Variants in MFSD11 observed in about 807,000 individuals in gnomAD.
MFSD11 encodes major facilitator superfamily domain containing 11, also known as UNC93-like protein MFSD11.
A neutral mutation model predicts 53.5 loss-of-function variants in MFSD11; 36 were observed. The observed-to-expected ratio is 0.67, with a 90% CI of 0.52 to 0.89. MFSD11 has a LOEUF of 0.89. Among genes scored for constraint, MFSD11 ranks in the 40% least tolerant of loss-of-function variants. MFSD11 has a pLI of 0.00. For missense variants in MFSD11, 530 were observed against 543.9 expected (o/e 0.97, Z 0.25); for synonymous variants, 186 against 184.9 (o/e 1.01, Z -0.05).
intron 10 of MFSD11, 107 bp downstream of exon 10, chr17:76,769,978 C>T (rs1300154105): frequency 3.2e-6 from 3 of 923,728 alleles, no homozygotes; most frequent in Non-Finnish European, 4.8e-6. Context: ...GTTTTTTCTA[C>T]TTATTTTTAC....
intron 10 of MFSD11, among the ~76,000 whole-genome samples, chr17:76,771,924 C>G (rs575211131): frequency 2.6e-5 from 4 of 152,154 alleles, no homozygotes; most frequent in South Asian, 4.2e-4. Flanking sequence ...GGCTGATGCT[C>G]AGGAGGGACT....
At chr17:76,769,941 G>T in intron 10 of MFSD11, 70 bp downstream of exon 10, 1 of 1,387,744 alleles carries the variant, frequency 7.2e-7, no homozygotes, top group Non-Finnish European at 9.9e-7. Flanking sequence ...AATTTTAAGT[G>T]TGCTTCACCT....
At chr17:76,769,585 A>C (rs1345386131) in intron 9 of MFSD11, 161 bp from the exon 10 acceptor site, 7 of 516,606 alleles carry the variant, frequency 1.4e-5, no homozygotes, top group Non-Finnish European at 1.7e-5. Context: ...CCATTTCATC[A>C]GTTACATCAC....
At chr17:76,780,315 G>A (rs1215032841), downstream of MFSD11, among the ~76,000 whole-genome samples, 3 of 152,006 alleles carry the variant, frequency 2.0e-5, no homozygotes, top group Non-Finnish European at 4.4e-5. Flanking sequence ...AAATGAGACA[G>A]CTCAGTTTTG....
chr17:76,793,549 C>T, the MFSD11 span, among the ~76,000 whole-genome samples: 2 of 151,232 alleles, frequency 1.3e-5, no homozygotes, highest in Non-Finnish European at 2.9e-5. Flanking sequence ...GTGCAGTTAA[C>T]GCAATCATCA....
chr17:76,744,299 T>G, intron 6 of MFSD11, 23 bp from the exon 7 acceptor site: 5 of 1,599,142 alleles, frequency 3.1e-6, no homozygotes, highest in Non-Finnish European at 4.3e-6. Flanking sequence ...GATACTATCT[T>G]GTTTCTTCTT....
At position 76,750,125 on chromosome 17, in the gene MFSD11, G is replaced by A. The variant is rs1392890226; in HGVS notation, c.642-3922G>A. ...GGTAAATAACTCACTGAATTAAATT[G>A]GAAGTGATTTGCAGCTGAATTATTG... On this transcript the variant is annotated intron_variant, in intron 7 of 12. Coordinates refer to ENST00000685175, the MANE Select transcript of MFSD11 (RefSeq NM_001242532.5). Among the ~76,000 whole-genome samples the A allele has an allele frequency of 2.0e-5, 3 of 152,014 alleles. No homozygotes were observed. In the East Asian group the frequency reaches 5.8e-4, roughly 29 times the overall value.
At chr17:76,749,550 A>G (rs1314942241) in intron 7 of MFSD11, among the ~76,000 whole-genome samples, 2 of 149,376 alleles carry the variant, frequency 1.3e-5, no homozygotes, top group African/African-American at 2.5e-5. Context: ...AAAGAAGAAG[A>G]AGGAACAATG....
upstream of MFSD11, chr17:76,737,353 G>A: frequency 1.4e-6 from 1 of 692,858 alleles, no homozygotes; most frequent in Non-Finnish European, 2.3e-6. Context: ...CGGCCTCTGC[G>A]CCCGTTTATA....
chr17:76,768,305 CAAAAAA>C (rs78066438), intron 9 of MFSD11, among the ~76,000 whole-genome samples: 1 of 46,760 alleles, frequency 2.1e-5, no homozygotes, highest in Admixed American at 2.4e-4. Context: ...ACCTCCGTCT[CAAAAAA>C]AAAAAAAAAA....
At chr17:76,772,293 C>T (rs531324782) in intron 10 of MFSD11, among the ~76,000 whole-genome samples, 82 of 151,604 alleles carry the variant, frequency 5.4e-4, no homozygotes, top group Non-Finnish European at 2.5e-4. Flanking sequence ...GGTGTAGTGG[C>T]GTATGCCTGT....
upstream of MFSD11, chr17:76,737,335 C>A (rs376946601): frequency 7.1e-5 from 59 of 828,968 alleles, no homozygotes; most frequent in Non-Finnish European, 1.0e-4. Flanking sequence ...AACAACTGGG[C>A]GGGCAGCCGG....
chr17:76,736,671 C>G (rs988248974), upstream of MFSD11: 8 of 1,226,928 alleles, frequency 6.5e-6, no homozygotes, highest in African/African-American at 1.6e-5. Context: ...CGGAGGGTCG[C>G]GAGACGCGGC....
intron 9 of MFSD11, among the ~76,000 whole-genome samples, chr17:76,768,078 G>T (rs2081026607): frequency 6.6e-6 from 1 of 152,110 alleles, no homozygotes; most frequent in Non-Finnish European, 1.5e-5. Flanking sequence ...TGAGGCGGGT[G>T]GATTGCTTGA....
intron 7 of MFSD11, among the ~76,000 whole-genome samples, chr17:76,751,114 G>C (rs555637238): frequency 1.3e-5 from 2 of 151,768 alleles, no homozygotes; most frequent in South Asian, 4.2e-4. Context: ...CTTTTGGCTG[G>C]GTGCAGTGGC....
chr17:76,774,545 G>T (rs935749834), intron 10 of MFSD11, among the ~76,000 whole-genome samples: 4 of 152,142 alleles, frequency 2.6e-5, no homozygotes, highest in Admixed American at 6.5e-5. Flanking sequence ...AGCTGTTCTG[G>T]CTGCTGACTC....
intron 7 of MFSD11, among the ~76,000 whole-genome samples, chr17:76,745,048 A>G (rs2078414288): frequency 6.6e-6 from 1 of 152,214 alleles, no homozygotes; most frequent in Non-Finnish European, 1.5e-5. Context: ...ACCTAAGCAC[A>G]TTTCAGTTTC....
At chr17:76,782,963 G>A (rs2082206221), downstream of MFSD11, among the ~76,000 whole-genome samples, 1 of 151,772 alleles carries the variant, frequency 6.6e-6, no homozygotes, top group South Asian at 2.1e-4. Flanking sequence ...CAGATCACAA[G>A]GTCAAGAGTT....
chr17:76,776,810 T>G lies in MFSD11; in HGVS notation c.1185+269T>G, dbSNP rs2081874472. Among the ~76,000 whole-genome samples the G allele has an allele frequency of 6.7e-6, 1 of 148,456 alleles. No homozygotes were observed. Among genetic ancestry groups the G allele is most frequent in the Non-Finnish European group, 1.5e-5 (1 of 67,970 alleles). On this transcript the variant is annotated intron_variant, in intron 12 of 12. Coordinates refer to ENST00000685175, the MANE Select transcript of MFSD11 (RefSeq NM_001242532.5). The surrounding 1 kb of genome is among the most constrained non-coding windows in gnomAD (Gnocchi z 4.2). ...TGCACACCACCATGCCTGGCTAATTTTTGTATTTTTTTTTTCTTTTTAGCA... is the reference window on the plus strand; with the variant it reads ...TGCACACCACCATGCCTGGCTAATTGTTGTATTTTTTTTTTCTTTTTAGCA...
Sources: gnomAD v4.1 joint callset for allele counts (sites outside exome capture counted in the v4.1 genomes callset) on GRCh38, gnomAD v4.1.1 for gene constraint, Gnocchi (gnomAD v3.1) non-coding constraint, MANE v1.5 for transcripts, NCBI Gene and HGNC (gene_info 2026-07-23, HGNC 2026-07-21) for gene names.